BPIFB1: variants seen among roughly 807,000 people sequenced by gnomAD.
BPIFB1 encodes BPI fold-containing family B member 1.
Under a neutral mutation model 55.1 loss-of-function variants are expected in BPIFB1, and 34 were observed. That is an observed-to-expected ratio of 0.62 (90% CI 0.47 to 0.82). The LOEUF is 0.82. Among genes scored for constraint, BPIFB1 ranks in the 40% least tolerant of loss-of-function variants. The probability of loss-of-function intolerance (pLI) is 0.00; values close to 1 mark genes in which losing one functional copy is unlikely to be tolerated. For missense variants in BPIFB1, 532 were observed against 593.1 expected (o/e 0.90, Z 1.07); for synonymous variants, 236 against 245.3 (o/e 0.96, Z 0.35).
At chr20:33,308,290 C>T (rs1018620997) in intron 15 of BPIFB1, among the ~76,000 whole-genome samples, 6 of 152,242 alleles carry the variant, frequency 3.9e-5, no homozygotes, top group South Asian at 4.1e-4. Flanking sequence ...GAGATTTGGG[C>T]GGGGACACAG....
At chr20:33,290,761 C>T (rs144560647) in intron 4 of BPIFB1, among the ~76,000 whole-genome samples, 196 bp from the exon 5 acceptor site, 4 of 152,222 alleles carry the variant, frequency 2.6e-5, no homozygotes, top group African/African-American at 7.2e-5. Flanking sequence ...TGTCAGCAGA[C>T]GAAAGACGTT....
chr20:33,303,133 C>G lies in BPIFB1; in HGVS notation c.1140+59C>G. 3.1e-6 allele frequency: 5 copies of G among 1,589,480 alleles called. No homozygotes were observed. The Admixed American group carries it at 8.4e-5, about 27-fold the overall frequency. On this transcript the variant is annotated intron_variant, in intron 11 of 15. Coordinates refer to ENST00000253354, the MANE Select transcript of BPIFB1 (RefSeq NM_033197.3). ...CAGGGGGACCCTTCTGTCTACTTTT[C>G]CTGTTCGCCCTCTTGCTTTGTTAAA...
chr20:33,298,181 T>C (rs140645875), intron 7 of BPIFB1, among the ~76,000 whole-genome samples: 63 of 152,324 alleles, frequency 4.1e-4, no homozygotes, highest in Middle Eastern at 3.4e-3. Context: ...TCCATCTCGT[T>C]GCAGTTTCAA....
At position 33,289,979 on chromosome 20, in the gene BPIFB1, G is replaced by A; in HGVS notation, c.352G>A (p.Ala118Thr). 6.2e-7 allele frequency: 1 copy of A among 1,614,104 alleles called. No homozygotes were observed. The highest frequency in any genetic ancestry group is 8.5e-7 in the Non-Finnish European group (1 of 1,179,956). Residue 118 changes from alanine (A) to threonine (T), a missense_variant, in exon 4 of 16, where the codon GCT (alanine) becomes ACT (threonine). Ala to Thr is a moderately conservative substitution (Grantham distance 58). Transcript: ENST00000253354. ...LLVKIPLDMV[A>T]GFNTPLVKTI... ...AGTCAAGATCCCCCTGGACATGGTGGCTGGATTCAACACGTGAGTGACCCC... is the reference window on the plus strand; with the variant it reads ...AGTCAAGATCCCCCTGGACATGGTGACTGGATTCAACACGTGAGTGACCCC...
chr20:33,286,903 C>T (rs182809642), intron 2 of BPIFB1, among the ~76,000 whole-genome samples: 115 of 152,360 alleles, frequency 7.5e-4, no homozygotes, highest in Non-Finnish European at 1.5e-3. Flanking sequence ...AGAACGACTA[C>T]TCTAAAGTCT....
intron 10 of BPIFB1, 170 bp downstream of exon 10, chr20:33,302,582 C>A: frequency 1.4e-6 from 1 of 717,794 alleles, no homozygotes; most frequent in Non-Finnish European, 2.4e-6. Context: ...TGACCTGAAG[C>A]AAATCATCAC....
rs543812543 is a variant in BPIFB1, at chr20:33,306,874, C to G, written c.1319-37C>G. The G allele has an allele frequency of 2.5e-6, 4 of 1,581,344 alleles. No individual in the cohort carries two copies. In the Admixed American group the frequency reaches 6.7e-5, roughly 26 times the overall value. On this transcript the variant is annotated intron_variant, in intron 14 of 15. Coordinates refer to ENST00000253354, the MANE Select transcript of BPIFB1 (RefSeq NM_033197.3). ...TGCCCCTGGCTGCCCAGTCTCACCC[C>G]AGGCCCATCAGTTTCTGACCACATT...
chr20:33,303,931 A>G (rs1350183004), intron 11 of BPIFB1, 27 bp from the exon 12 acceptor site: 1 of 1,613,024 alleles, frequency 6.2e-7, no homozygotes, highest in Non-Finnish European at 8.5e-7. Flanking sequence ...CTTGAGAACA[A>G]TGGGGCCTGG....
In BPIFB1 at chr20:33,303,823, C is replaced by T; in HGVS notation, c.1141-135C>T. On this transcript the variant is annotated intron_variant, in intron 11 of 15. Transcript: ENST00000253354. ...TTTAACAGATGAGGCAGGTGAGGCC[C>T]AGAGAGGTCAAACCCTTTGCCAAGG... The T allele has an allele frequency of 5.0e-6, 4 of 796,672 alleles. No homozygotes were observed. In the East Asian group the frequency reaches 9.9e-5, roughly 20 times the overall value. The allele number at this position is 796,672 out of a possible 1,614,324, so 49.4% of individuals were successfully genotyped here. A position where few individuals can be genotyped will look rare whatever the true frequency, so the allele number is the denominator to read the frequency against.
chr20:33,305,898 C>A, intron 13 of BPIFB1, 104 bp from the exon 14 acceptor site: 1 of 1,286,936 alleles, frequency 7.8e-7, no homozygotes, highest in Non-Finnish European at 1.1e-6. Context: ...CCTACATCTC[C>A]ACCAGCCACC....
At position 33,302,429 on chromosome 20, in the gene BPIFB1, T is replaced by C; in HGVS notation, c.981+17T>C. On this transcript the variant is annotated intron_variant, in intron 10 of 15. Coordinates refer to ENST00000253354, the MANE Select transcript of BPIFB1 (RefSeq NM_033197.3). ...AATGAAAAGGTTGGTCTGTTTGCCA[T>C]CTGCAGCTTGAGGGGTGTTTGCTGT... is the stretch of plus-strand genomic sequence containing the variant. 1.2e-6 allele frequency: 2 copies of C among 1,613,806 alleles called. No individual in the cohort carries two copies. The highest frequency in any genetic ancestry group is 2.2e-5 in the South Asian group (2 of 91,072).
intron 2 of BPIFB1, among the ~76,000 whole-genome samples, chr20:33,287,041 G>A (rs1980292234): frequency 6.6e-6 from 1 of 152,188 alleles, no homozygotes. Context: ...GGTCCTGTGG[G>A]ACCAACAGGC....
At position 33,288,800 on chromosome 20, in the gene BPIFB1, C is replaced by T. The variant is rs771308005; in HGVS notation, c.175C>T (p.Leu59Phe). The change falls in exon 3 of 16, where the codon CTC (leucine) becomes TTC (phenylalanine). Residue 59 changes from leucine (L) to phenylalanine (F), a missense_variant. Transcript: ENST00000253354. ...CAGCATCCTGCAGCAGCTGCCGCTG[C>T]TCAGTGCCATGCGGGAAAAGCCAGC... ...ATSILQQLPLLSAMREKPAGG... is the reference protein window; with the variant it reads ...ATSILQQLPLFSAMREKPAGG... 1.2e-6 allele frequency: 2 copies of T among 1,613,926 alleles called. No homozygotes were observed. The highest frequency in any genetic ancestry group is 2.7e-5 in the African/African-American group (2 of 74,938).
chr20:33,295,092 G>A (rs548918747), intron 6 of BPIFB1, among the ~76,000 whole-genome samples: 3 of 152,100 alleles, frequency 2.0e-5, no homozygotes, highest in African/African-American at 7.2e-5. Context: ...GCGCACACCT[G>A]TAATCCTAAC....
chr20:33,287,929 A>T (rs550065721), intron 2 of BPIFB1, among the ~76,000 whole-genome samples: 3 of 152,194 alleles, frequency 2.0e-5, no homozygotes, highest in Non-Finnish European at 2.9e-5. Context: ...AGGGCTTAAC[A>T]CTGTGCCAAA....
intron 3 of BPIFB1, 59 bp downstream of exon 3, chr20:33,288,941 C>T (rs538717081): frequency 6.3e-5 from 97 of 1,549,170 alleles, no homozygotes; most frequent in East Asian, 5.3e-4. Flanking sequence ...GCCCGGGACA[C>T]GCTCTGCATG....
chr20:33,303,597 C>T (rs1980924112), intron 11 of BPIFB1, among the ~76,000 whole-genome samples: 2 of 152,102 alleles, frequency 1.3e-5, no homozygotes, highest in East Asian at 1.9e-4. Context: ...AGTCAGTTGC[C>T]CATTCTTGAG....
At chr20:33,295,070 C>T (rs1420557129) in intron 6 of BPIFB1, among the ~76,000 whole-genome samples, 1 of 151,470 alleles carries the variant, frequency 6.6e-6, no homozygotes, top group African/African-American at 2.4e-5. Context: ...CAAAAATTAG[C>T]TGGGCGCAGT....
chr20:33,298,900 G>T (rs1980745966), intron 7 of BPIFB1: 1 of 441,396 alleles, frequency 2.3e-6, no homozygotes, highest in African/African-American at 2.1e-5. Context: ...TGACAAGTCT[G>T]TAGATTTCTC....
Sources: gnomAD v4.1 joint callset for allele counts (sites outside exome capture counted in the v4.1 genomes callset) on GRCh38, gnomAD v4.1.1 for gene constraint, MANE v1.5 for transcripts, NCBI Gene and HGNC (gene_info 2026-07-23, HGNC 2026-07-21) for gene names.